IGBP1C: variants seen among roughly 807,000 people sequenced by gnomAD.
IGBP1C encodes the protein immunoglobulin-binding protein 1 family member C.
the IGBP1C span, among the ~76,000 whole-genome samples, chr17:58,681,323 G>A: frequency 0.022 from 3,312 of 152,144 alleles, 113 homozygotes; most frequent in African/African-American, 0.075. Context: ...TGAGAACATA[G>A]AGGTGTCTTA....
the IGBP1C span, among the ~76,000 whole-genome samples, chr17:58,686,861 C>CTTTTTTTTT: frequency 4.2e-5 from 3 of 71,480 alleles, no homozygotes; most frequent in Non-Finnish European, 7.6e-5. Context: ...GAAAGGTCAC[C>CTTTTTTTTT]TTTTTTTTTT....
the IGBP1C span, chr17:58,661,316 A>T: frequency 1.2e-6 from 1 of 850,304 alleles, no homozygotes; most frequent in South Asian, 1.3e-5. Context: ...ACGGGGGTTG[A>T]CTTGTTTCAT....
the IGBP1C span, chr17:58,660,515 C>T: frequency 1.4e-6 from 1 of 722,518 alleles, no homozygotes; most frequent in Non-Finnish European, 2.5e-6. Context: ...GAGGGGAAGG[C>T]TGCATGGTTT....
At chr17:58,686,860 C>CT in the IGBP1C span, among the ~76,000 whole-genome samples, 1 of 136,776 alleles carries the variant, frequency 7.3e-6, no homozygotes, top group African/African-American at 2.7e-5. Context: ...TGAAAGGTCA[C>CT]CTTTTTTTTT....
the IGBP1C span, among the ~76,000 whole-genome samples, chr17:58,673,560 G>A: frequency 3.0e-4 from 46 of 151,672 alleles, no homozygotes; most frequent in African/African-American, 1.0e-3. Flanking sequence ...CTTTATATTT[G>A]TATTGTTTTG....
At chr17:58,671,555 G>C in the IGBP1C span, among the ~76,000 whole-genome samples, 2 of 152,092 alleles carry the variant, frequency 1.3e-5, no homozygotes, top group African/African-American at 4.8e-5. Flanking sequence ...CTCCCACCCA[G>C]CTCAGGCCCC....
chr17:58,676,386 CA>C, the IGBP1C span, among the ~76,000 whole-genome samples: 850 of 148,628 alleles, frequency 5.7e-3, 5 homozygotes, highest in African/African-American at 9.1e-3. Context: ...CAAAAAAAAC[CA>C]AAAAAACAAA....
the IGBP1C span, chr17:58,679,645 A>G: frequency 9.8e-5 from 15 of 152,336 alleles, no homozygotes; most frequent in African/African-American, 3.1e-4. Flanking sequence ...TCACCCTGAA[A>G]AATCCACCTT....
chr17:58,670,771 T>TCAAAAAAAAAAAA, the IGBP1C span, among the ~76,000 whole-genome samples: 2 of 7,954 alleles, frequency 2.5e-4, 1 homozygote. Context: ...AGACTCCCTC[T>TCAAAAAAAAAAAA]TAAAAAAAAA....
chr17:58,676,416 C>T, the IGBP1C span, among the ~76,000 whole-genome samples: 1 of 151,688 alleles, frequency 6.6e-6, no homozygotes, highest in Non-Finnish European at 1.5e-5. Context: ...CAAAAAAACC[C>T]AGGCGTGGTG....
chr17:58,674,296 T>C, the IGBP1C span, among the ~76,000 whole-genome samples: 2 of 148,096 alleles, frequency 1.4e-5, no homozygotes, highest in Non-Finnish European at 3.0e-5. Context: ...AAGGAAACCC[T>C]TGATTTGACA....
At chr17:58,666,216 G>A in the IGBP1C span, among the ~76,000 whole-genome samples, 1 of 151,792 alleles carries the variant, frequency 6.6e-6, no homozygotes, top group South Asian at 2.1e-4. Flanking sequence ...GGTGGTGCAT[G>A]CCTGTAATGT....
chr17:58,683,373 C>A, the IGBP1C span, among the ~76,000 whole-genome samples: 1 of 148,204 alleles, frequency 6.7e-6, no homozygotes, highest in Non-Finnish European at 1.5e-5. Context: ...ACTCCATCCC[C>A]CCCCCCAAAA....
the IGBP1C span, among the ~76,000 whole-genome samples, chr17:58,682,212 C>G: frequency 3.3e-5 from 5 of 151,118 alleles, no homozygotes; most frequent in Non-Finnish European, 1.5e-5. Flanking sequence ...GCCTCCCAGA[C>G]AGTTGGGATT....
chr17:58,673,229 C>T, the IGBP1C span, among the ~76,000 whole-genome samples: 1 of 151,446 alleles, frequency 6.6e-6, no homozygotes, highest in Non-Finnish European at 1.5e-5. Context: ...GCCTGTATTC[C>T]CAGCACTTTG....
the IGBP1C span, among the ~76,000 whole-genome samples, chr17:58,662,562 T>C: frequency 6.6e-6 from 1 of 151,920 alleles, no homozygotes; most frequent in Non-Finnish European, 1.5e-5. Context: ...AGAGTTCCCT[T>C]ACGTGTGGGG....
chr17:58,685,609 A>C, the IGBP1C span, among the ~76,000 whole-genome samples: 2 of 152,000 alleles, frequency 1.3e-5, no homozygotes, highest in Non-Finnish European at 2.9e-5. Context: ...AATGGGAAAG[A>C]GGAAAAGGAA....
the IGBP1C span, among the ~76,000 whole-genome samples, chr17:58,687,678 A>G: frequency 6.6e-6 from 1 of 152,094 alleles, no homozygotes; most frequent in African/African-American, 2.4e-5. Context: ...CTAAAAAAAA[A>G]ATAAACTTCT....
the IGBP1C span, among the ~76,000 whole-genome samples, chr17:58,682,799 A>G: frequency 1.1e-4 from 17 of 152,174 alleles, no homozygotes; most frequent in Non-Finnish European, 2.1e-4. Context: ...AGCCTTAGGC[A>G]AAAAGATGTC....
Sources: gnomAD v4.1 joint callset for allele counts (sites outside exome capture counted in the v4.1 genomes callset) on GRCh38, gnomAD v4.1.1 for gene constraint, MANE v1.5 for transcripts, NCBI Gene and HGNC (gene_info 2026-07-23, HGNC 2026-07-21) for gene names.